VAT1: variants seen among roughly 807,000 people sequenced by gnomAD.
VAT1 encodes vesicle amine transport 1, also known as NADPH-dependent quinone oxidoreductase VAT1.
A neutral mutation model predicts 33.3 loss-of-function variants in VAT1; 24 were observed. That is an observed-to-expected ratio of 0.72 (90% CI 0.52 to 1.01). The LOEUF (loss-of-function observed/expected upper bound fraction) is 1.01. Among genes scored for constraint, VAT1 ranks in the 50% least tolerant of loss-of-function variants. The probability of loss-of-function intolerance (pLI) is 0.00; values close to 1 mark genes in which losing one functional copy is unlikely to be tolerated. For synonymous variants in VAT1, 212 were observed against 225.0 expected (o/e 0.94, Z 0.52); for missense variants, 436 against 533.7 (o/e 0.82, Z 1.80).
rs764426035 is a variant in VAT1, at chr17:43,022,246, G to A, written c.77C>T (p.Ala26Val). 6 of 1,579,206 alleles carry A rather than the reference G, an allele frequency of 3.8e-6. No homozygotes were observed. The highest frequency in any genetic ancestry group is 1.7e-6 in the Non-Finnish European group (2 of 1,163,488). ...ASSPPPKTEA[A>V]SDPQHPAASE... ...GGCCGCGGGATGCTGGGGGTCGCTC[G>A]CTGCCTCGGTTTTCGGAGGCGGCGA... Residue 26 changes from alanine to valine, a missense_variant, in exon 1 of 6, where the codon GCG (alanine) becomes GTG (valine). Ala to Val is a moderately conservative substitution (Grantham distance 64). Around this residue, in one of 2 missense-constraint regions of VAT1, gnomAD observed 154 missense variants for 128.3 expected, o/e 1.20. Transcript: ENST00000355653.
intron 3 of VAT1, 48 bp from the exon 4 acceptor site, chr17:43,017,978 C>G (rs1413961853): frequency 1.9e-6 from 3 of 1,613,506 alleles, no homozygotes; most frequent in Non-Finnish European, 2.5e-6. Context: ...ATCCACAGAT[C>G]TGGAGCTCCC....
In VAT1 at chr17:43,018,099, T is replaced by TG. The variant is rs1255885641; in HGVS notation, c.702dup (p.Thr235HisfsTer10). 6.2e-7 allele frequency: 1 copy of TG among 1,614,072 alleles called. No homozygotes were observed. Among genetic ancestry groups the TG allele is most frequent in the African/African-American group, 1.3e-5 (1 of 74,922 alleles). On this transcript the variant is annotated frameshift_variant, in exon 3 of 6. Transcript: ENST00000355653. LOFTEE classifies it high-confidence loss of function. ...GTCGTGTGATAGTCGATGGGATGTG[T>TG]GACCCCATTCTCCTTCAGTGCCTCG... is the stretch of plus-strand genomic sequence containing the variant.
Position 43,022,188 on chromosome 17 carries a change from C to A in VAT1, c.135G>T (p.Pro45=), listed in dbSNP as rs1295563849. 1 of 1,556,294 alleles carries A rather than the reference C, an allele frequency of 6.4e-7. No individual in the cohort carries two copies. Reference sequence around the variant, plus strand: ...TGAGCACTAGGCAGCGCAGCAGTGGCGGCGAGGCGGCGGCGGCGGCGGCCC... The same window carrying A: ...TGAGCACTAGGCAGCGCAGCAGTGGAGGCGAGGCGGCGGCGGCGGCGGCCC... ...SEGAAAAAAS[P]PLLRCLVLTG... The change falls in exon 1 of 6, where the codon CCG becomes CCT. Residue 45 remains proline (P), a synonymous_variant. Transcript: ENST00000355653.
At position 43,022,304 on chromosome 17, in the gene VAT1, CCT is replaced by C. The variant is rs1295484739; in HGVS notation, c.17_18del (p.Glu6GlyfsTer90). The C allele has an allele frequency of 1.9e-6, 3 of 1,583,942 alleles. No individual in the cohort carries two copies. The highest frequency in any genetic ancestry group is 8.6e-7 in the Non-Finnish European group (1 of 1,167,586). On this transcript the variant is annotated frameshift_variant, in exon 1 of 6. Coordinates refer to ENST00000355653, the MANE Select transcript of VAT1 (RefSeq NM_006373.4). LOFTEE classifies it high-confidence loss of function. Reference sequence around the variant, plus strand: ...TCTTCCCCGGTCGCTGCCTCGGCTACCTCTCTCTCGTCGGACATGGCTGGGAC... The same window carrying C: ...TCTTCCCCGGTCGCTGCCTCGGCTACCTCTCTCGTCGGACATGGCTGGGAC... MSDER[E>X]VAEAATGEDA...
chr17:43,018,930 T>C (rs1567746840), intron 1 of VAT1, 131 bp from the exon 2 acceptor site: 2 of 582,560 alleles, frequency 3.4e-6, no homozygotes, highest in South Asian at 2.1e-5. Context: ...GTCATGGTAA[T>C]AATAATAATA....
chr17:43,018,940 AAT>A, intron 1 of VAT1, 141 bp from the exon 2 acceptor site: 1 of 796,344 alleles, frequency 1.3e-6, no homozygotes, highest in Non-Finnish European at 2.0e-6. Flanking sequence ...TAATAATAAT[AAT>A]AACATCATCA....
chr17:43,018,978 A>T, intron 1 of VAT1, 179 bp from the exon 2 acceptor site: 2 of 689,794 alleles, frequency 2.9e-6, no homozygotes, highest in South Asian at 3.8e-5. Flanking sequence ...ACTCACCTTT[A>T]CTGAGTGCTG....
intron 4 of VAT1, among the ~76,000 whole-genome samples, chr17:43,017,582 CAAAAAAAAA>C (rs55979457): frequency 4.5e-5 from 3 of 66,464 alleles, no homozygotes; most frequent in African/African-American, 1.7e-4. Flanking sequence ...AACTCCATCT[CAAAAAAAAA>C]AAAAAAAAAA....
intron 4 of VAT1, 67 bp downstream of exon 4, chr17:43,017,774 T>TA: frequency 6.7e-7 from 1 of 1,483,536 alleles, no homozygotes; most frequent in African/African-American, 1.4e-5. Context: ...CTGGCCTCTA[T>TA]ATCCCACCCC....
At position 43,021,941 on chromosome 17, in the gene VAT1, G is replaced by A. The variant is rs2050572929; in HGVS notation, c.382C>T (p.Arg128Cys). 5 of 1,610,556 alleles carry A rather than the reference G, an allele frequency of 3.1e-6. No individual in the cohort carries two copies. The highest frequency in any genetic ancestry group is 4.2e-6 in the Non-Finnish European group (5 of 1,179,652). The change falls in exon 1 of 6, where the codon CGC becomes TGC. Residue 128 changes from arginine (R) to cysteine (C), a missense_variant. Transcript: ENST00000355653. ...GCCCTACGCAACCCGCTCACCTTGCGGTCGCTGACTCCCTCGCCCACTGCG... is the reference window on the plus strand; with the variant it reads ...GCCCTACGCAACCCGCTCACCTTGCAGTCGCTGACTCCCTCGCCCACTGCG... ...VIAVGEGVSD[R>C]KAGDRVMVLN...
Position 43,022,333 on chromosome 17 carries a change from C to T in VAT1, c.-11G>A, listed in dbSNP as rs886292002. On this transcript the variant is annotated 5_prime_UTR_variant, in exon 1 of 6. Transcript: ENST00000355653. Reference sequence around the variant, plus strand: ...TCTCTCGTCGGACATGGCTGGGACTCCCGACGAGAGCGCACAGCTGGATGG... The same window carrying T: ...TCTCTCGTCGGACATGGCTGGGACTTCCGACGAGAGCGCACAGCTGGATGG... 6.5e-7 allele frequency: 1 copy of T among 1,549,140 alleles called. No homozygotes were observed. Among genetic ancestry groups the T allele is most frequent in the Non-Finnish European group, 8.7e-7 (1 of 1,151,366 alleles).
rs577185653 is a variant in VAT1, at chr17:43,015,676, C to A, written c.*385G>T. On this transcript the variant is annotated 3_prime_UTR_variant, in exon 6 of 6. Transcript: ENST00000355653. ...CATATCCTGAGCTGACGTTTCAATTCTTTGGGGAGGTGGCGGGGCAGGGAC... is the reference window on the plus strand; with the variant it reads ...CATATCCTGAGCTGACGTTTCAATTATTTGGGGAGGTGGCGGGGCAGGGAC... 1.3e-3 allele frequency: 339 copies of A among 267,950 alleles called. 1 individual carries two copies. Among genetic ancestry groups the A allele is most frequent in the South Asian group, 3.2e-3 (66 of 20,394 alleles). 16.6% of individuals were successfully genotyped at this position (267,950 alleles called of 1,614,324 possible). A position where few individuals can be genotyped will look rare whatever the true frequency, so the allele number is the denominator to read the frequency against.
At position 43,015,223 on chromosome 17, in the gene VAT1, T is replaced by C. The variant is rs527441808; in HGVS notation, c.*838A>G. 2 of 152,740 alleles carry C rather than the reference T, an allele frequency of 1.3e-5. No homozygotes were observed. Among genetic ancestry groups the C allele is most frequent in the African/African-American group, 2.4e-5 (1 of 41,538 alleles). The allele number at this position is 152,740 out of a possible 1,614,324, so 9.5% of individuals were successfully genotyped here. A position where few individuals can be genotyped will look rare whatever the true frequency, so the allele number is the denominator to read the frequency against. On this transcript the variant is annotated 3_prime_UTR_variant, in exon 6 of 6. Coordinates refer to ENST00000355653, the MANE Select transcript of VAT1 (RefSeq NM_006373.4). ...GCACATACACAGATTTTTGGCAGTGTTGTGGGACTGGGGAGGAGAGAAACC... is the reference window on the plus strand; with the variant it reads ...GCACATACACAGATTTTTGGCAGTGCTGTGGGACTGGGGAGGAGAGAAACC...
In VAT1 at chr17:43,015,963, C is replaced by T. The variant is rs551798160; in HGVS notation, c.*98G>A. ...GACCTTCGGGGGAGGGAGGGCAGAG[C>T]ATTATGACAGAGGCTGAAATGCAAG... On this transcript the variant is annotated 3_prime_UTR_variant, in exon 6 of 6. Transcript: ENST00000355653. 3.8e-4 allele frequency: 515 copies of T among 1,356,552 alleles called. No individual in the cohort carries two copies. Among genetic ancestry groups the T allele is most frequent in the Non-Finnish European group, 4.9e-4 (469 of 958,724 alleles). 84.0% of individuals were successfully genotyped at this position (1,356,552 alleles called of 1,614,324 possible).
At chr17:43,018,567 G>T in intron 2 of VAT1, 25 bp downstream of exon 2, 2 of 1,611,746 alleles carry the variant, frequency 1.2e-6, no homozygotes, top group African/African-American at 2.7e-5. Context: ...GGGGTAAGGG[G>T]TGATAAAGTG....
At position 43,016,787 on chromosome 17, in the gene VAT1, G is replaced by T. The variant is rs561048629; in HGVS notation, c.857-239C>A. ...AATCCCAGCACTCTGGGAAGCCAAG[G>T]TGGGGGGATCACTTGAGGTCAGGAG... On this transcript the variant is annotated intron_variant, in intron 4 of 5. Coordinates refer to ENST00000355653, the MANE Select transcript of VAT1 (RefSeq NM_006373.4). 3.3e-5 allele frequency among the ~76,000 whole-genome samples: 5 copies of T among 152,226 alleles called. No individual in the cohort carries two copies. The South Asian group carries it at 8.3e-4, about 25-fold the overall frequency.
chr17:43,021,675 C>T (rs1381960529), intron 1 of VAT1, among the ~76,000 whole-genome samples: 1 of 150,722 alleles, frequency 6.6e-6, no homozygotes, highest in African/African-American at 2.4e-5. Flanking sequence ...TTATTGTTTT[C>T]CCCCCCACCA....
intron 1 of VAT1, 61 bp from the exon 2 acceptor site, chr17:43,018,860 A>T: frequency 1.3e-6 from 2 of 1,589,466 alleles, no homozygotes; most frequent in Non-Finnish European, 1.7e-6. Flanking sequence ...CTATTTACTG[A>T]TTTCCCCCTA....
intron 4 of VAT1, among the ~76,000 whole-genome samples, chr17:43,016,846 T>C (rs2050524522): frequency 6.6e-6 from 1 of 151,436 alleles, no homozygotes; most frequent in Admixed American, 6.6e-5. Flanking sequence ...GGTGAAACCT[T>C]GTCTCTACTA....
Sources: gnomAD v4.1 joint callset for allele counts (sites outside exome capture counted in the v4.1 genomes callset) on GRCh38, gnomAD v4.1.1 for gene constraint, gnomAD v4.1.1 regional missense constraint, MANE v1.5 for transcripts, NCBI Gene and HGNC (gene_info 2026-07-23, HGNC 2026-07-21) for gene names.